Variants in EIF4E3 observed in about 807,000 individuals in gnomAD.
The protein encoded by EIF4E3 is eukaryotic translation initiation factor 4E type 3.
A neutral mutation model predicts 31.7 loss-of-function variants in EIF4E3; 26 were observed. That is an observed-to-expected ratio of 0.82 (90% CI 0.60 to 1.14). The LOEUF (loss-of-function observed/expected upper bound fraction) is 1.14. EIF4E3 is among the 50% of genes most tolerant of loss of function. EIF4E3 has a pLI of 0.00. For missense variants in EIF4E3, 304 were observed against 270.9 expected, an observed-to-expected ratio of 1.12 and a Z score of -0.86; for synonymous variants, 128 against 107.7, an observed-to-expected ratio of 1.19 and a Z score of -1.17.
upstream of EIF4E3, among the ~76,000 whole-genome samples, chr3:71,726,722 C>T (rs1395366705): frequency 6.6e-6 from 1 of 152,176 alleles, no homozygotes; most frequent in Non-Finnish European, 1.5e-5. Flanking sequence ...TAATCAAGGT[C>T]ACATAAAGTG....
At chr3:71,700,382 C>T (rs1350643658) in intron 2 of EIF4E3, among the ~76,000 whole-genome samples, 8 of 152,012 alleles carry the variant, frequency 5.3e-5, no homozygotes, top group Admixed American at 6.6e-5. Flanking sequence ...AATATATGTA[C>T]TGAACATATT....
chr3:71,696,702 T>C (rs993532911), intron 3 of EIF4E3, among the ~76,000 whole-genome samples, 182 bp from the exon 4 acceptor site: 1 of 151,820 alleles, frequency 6.6e-6, no homozygotes, highest in Non-Finnish European at 1.5e-5. Context: ...TTGCACATAT[T>C]TATGGGGTAT....
At chr3:71,671,589 A>G (rs961332019), downstream of EIF4E3, among the ~76,000 whole-genome samples, 6 of 152,172 alleles carry the variant, frequency 3.9e-5, no homozygotes, top group African/African-American at 1.4e-4. Flanking sequence ...GAAATGAGAG[A>G]TGGGCCCGTG....
intron 6 of EIF4E3, among the ~76,000 whole-genome samples, chr3:71,687,717 G>C (rs957976754): frequency 3.3e-5 from 5 of 152,202 alleles, no homozygotes; most frequent in African/African-American, 9.6e-5. Context: ...TCAAATGTAA[G>C]TTATCAATGG....
chr3:71,710,150 CT>C (rs2049353918), intron 2 of EIF4E3, among the ~76,000 whole-genome samples: 1 of 152,144 alleles, frequency 6.6e-6, no homozygotes, highest in Admixed American at 6.5e-5. Context: ...TGCAGTCTGC[CT>C]TTTGTGCGGG....
At chr3:71,696,360 G>T in intron 4 of EIF4E3, 100 bp downstream of exon 4, 1 of 1,299,810 alleles carries the variant, frequency 7.7e-7, no homozygotes. Context: ...TTTGGGGACT[G>T]CCAGGTAAAT....
chr3:71,699,816 T>C, intron 2 of EIF4E3, 108 bp from the exon 3 acceptor site: 1 of 848,196 alleles, frequency 1.2e-6, no homozygotes, highest in South Asian at 1.6e-5. Flanking sequence ...CTCATTGTTT[T>C]ATCCATTCAA....
intron 1 of EIF4E3, among the ~76,000 whole-genome samples, chr3:71,746,022 T>C (rs959014238): frequency 2.1e-4 from 32 of 152,178 alleles, no homozygotes; most frequent in South Asian, 2.1e-4. Flanking sequence ...AGCATAATGG[T>C]TTTTCGCAAT....
chr3:71,753,375 G>A (rs1478457951), intron 1 of EIF4E3: 1 of 152,352 alleles, frequency 6.6e-6, no homozygotes, highest in Non-Finnish European at 1.5e-5. Flanking sequence ...TCCCCTCTGA[G>A]GCCTCCCGAC....
chr3:71,686,348 G>A (rs919627104), intron 6 of EIF4E3, among the ~76,000 whole-genome samples: 2 of 151,990 alleles, frequency 1.3e-5, no homozygotes, highest in Non-Finnish European at 2.9e-5. Context: ...TGGATGGAAC[G>A]GGCCTATTTT....
the EIF4E3 span, among the ~76,000 whole-genome samples, chr3:71,663,482 T>C: frequency 1.3e-5 from 2 of 152,228 alleles, no homozygotes; most frequent in African/African-American, 4.8e-5. Flanking sequence ...TAACAGTCCA[T>C]GCAGTCGGCA....
At chr3:71,744,345 A>G (rs1344941658) in intron 1 of EIF4E3, among the ~76,000 whole-genome samples, 2 of 152,248 alleles carry the variant, frequency 1.3e-5, no homozygotes, top group African/African-American at 4.8e-5. Context: ...AAAATGTTCA[A>G]TATCATTGGT....
At chr3:71,667,232 G>C in the EIF4E3 span, among the ~76,000 whole-genome samples, 1 of 152,134 alleles carries the variant, frequency 6.6e-6, no homozygotes, top group African/African-American at 2.4e-5. Flanking sequence ...CAATAAACTA[G>C]GTATTGATGG....
At chr3:71,659,571 T>C in the EIF4E3 span, among the ~76,000 whole-genome samples, 1 of 152,170 alleles carries the variant, frequency 6.6e-6, no homozygotes, top group African/African-American at 2.4e-5. Flanking sequence ...ACTCTGAGGA[T>C]AGGGGTGGAA....
In EIF4E3 at chr3:71,715,087, G is replaced by T. The variant is rs141811661; in HGVS notation, c.177-4603C>A. Among the ~76,000 whole-genome samples the T allele has an allele frequency of 2.0e-5, 3 of 152,326 alleles. No individual in the cohort carries two copies. The East Asian group carries it at 5.8e-4, about 29-fold the overall frequency. ...GAGAGTGATGTTGCACCCCAGAAGA[G>T]ACTTGGCAATATCTGAAGACATTTT... On this transcript the variant is annotated intron_variant, in intron 1 of 6. Coordinates refer to ENST00000425534, the MANE Select transcript of EIF4E3 (RefSeq NM_001134651.2).
chr3:71,746,861 C>T (rs183816188), intron 1 of EIF4E3, among the ~76,000 whole-genome samples: 364 of 152,344 alleles, frequency 2.4e-3, no homozygotes, highest in Admixed American at 5.9e-3. Context: ...CTGGGCATTT[C>T]ATGTAAGTGG....
intron 4 of EIF4E3, among the ~76,000 whole-genome samples, chr3:71,694,225 G>C (rs2049102966): frequency 6.6e-6 from 1 of 152,186 alleles, no homozygotes; most frequent in Non-Finnish European, 1.5e-5. Context: ...AATTTCTAGG[G>C]AAAATGCATT....
Position 71,723,730 on chromosome 3 carries a change from T to C in EIF4E3, c.176+1462A>G, listed in dbSNP as rs151260319. Among the ~76,000 whole-genome samples, 660 of 152,334 alleles carry C rather than the reference T, an allele frequency of 4.3e-3. 9 individuals are homozygous for C. Among genetic ancestry groups the C allele is most frequent in the African/African-American group, 0.015 (623 of 41,576 alleles). ...CAGATACCAGGTAACAATAGCACAG[T>C]TGCAGCACACCTATGAAAACAGACA... On this transcript the variant is annotated intron_variant, in intron 1 of 6. Transcript: ENST00000425534.
At chr3:71,660,263 G>A in the EIF4E3 span, among the ~76,000 whole-genome samples, 4 of 152,020 alleles carry the variant, frequency 2.6e-5, no homozygotes, top group African/African-American at 7.3e-5. Context: ...TCTGTTCTCC[G>A]ATGATGAGCA....
Sources: allele counts gnomAD v4.1 joint callset (sites outside exome capture counted in the v4.1 genomes callset), GRCh38; gene constraint gnomAD v4.1.1; transcripts MANE v1.5; gene names NCBI Gene and HGNC (gene_info 2026-07-23, HGNC 2026-07-21).